The following OPHN1 variants were observed in gnomAD, a reference collection of about 807,000 sequenced individuals.
OPHN1 encodes the protein oligophrenin-1.
In OPHN1, 11 loss-of-function variants were observed where a neutral mutation model predicts 60.7. That is an observed-to-expected ratio of 0.18 (90% CI 0.11 to 0.30). The LOEUF (loss-of-function observed/expected upper bound fraction) is 0.30. OPHN1 is among the 10% of genes least tolerant of loss of function. The pLI is 1.00. For missense variants in OPHN1, 449 were observed against 611.0 expected (o/e 0.73, Z 2.80); for synonymous variants, 226 against 222.6 (o/e 1.02, Z -0.14).
chrX:68,433,458 A>C lies in OPHN1; in HGVS notation c.-295T>G. ...AGCTGGAGCTGGGAACAGCCTCTCT[A>C]CAGGCTCCTCGCTCCGGAGCGAGCG... On this transcript the variant is annotated 5_prime_UTR_variant, in exon 1 of 25. Coordinates refer to ENST00000355520, the MANE Select transcript of OPHN1 (RefSeq NM_002547.3). 3.8e-6 allele frequency: 1 copy of C among 261,941 alleles called. No individual in the cohort carries two copies. Among genetic ancestry groups the C allele is most frequent in the East Asian group, 5.7e-5 (1 of 17,407 alleles). The allele number at this position is 261,941 out of a possible 1,213,427, so 21.6% of individuals were successfully genotyped here.
intron 2 of OPHN1, among the ~76,000 whole-genome samples, chrX:68,333,966 C>T (rs1252691831): frequency 9.4e-6 from 1 of 106,318 alleles, no homozygotes; most frequent in Non-Finnish European, 1.9e-5. Flanking sequence ...TGCATCATCT[C>T]GGCTCACTGC....
At chrX:68,407,202 C>T (rs1255416580) in intron 2 of OPHN1, among the ~76,000 whole-genome samples, 1 of 112,014 alleles carries the variant, frequency 8.9e-6, no homozygotes, top group African/African-American at 3.2e-5. Context: ...AAAACTTCGT[C>T]TCAAAATAAA....
intron 2 of OPHN1, among the ~76,000 whole-genome samples, chrX:68,342,446 A>G (rs1322324229): frequency 4.5e-5 from 5 of 112,012 alleles, no homozygotes; most frequent in Non-Finnish European, 9.4e-5. Flanking sequence ...AAGTGGCCAT[A>G]AATTGATAAC....
At chrX:68,234,685 G>A in intron 5 of OPHN1, 97 bp from the exon 6 acceptor site, 5 of 678,405 alleles carry the variant, frequency 7.4e-6, no homozygotes, top group South Asian at 2.3e-5. Flanking sequence ...GGTTTCAGGT[G>A]GTCAATCCCT....
chrX:68,419,265 C>T (rs1472320389), intron 2 of OPHN1, among the ~76,000 whole-genome samples: 3 of 109,002 alleles, frequency 2.8e-5, no homozygotes, highest in South Asian at 4.0e-4. Context: ...CTGCCCGCCT[C>T]GGCCTCCCAA....
At chrX:68,333,688 G>GACAC (rs756801078) in intron 2 of OPHN1, among the ~76,000 whole-genome samples, 72 of 104,322 alleles carry the variant, frequency 6.9e-4, no homozygotes, top group Admixed American at 1.1e-3. Flanking sequence ...CACACACACA[G>GACAC]ACACACACAC....
intron 19 of OPHN1, among the ~76,000 whole-genome samples, chrX:68,076,441 C>T (rs1190867837): frequency 9.2e-6 from 1 of 109,008 alleles, no homozygotes; most frequent in Admixed American, 9.8e-5. Context: ...TCTGAATAGT[C>T]CTATAACCAT....
At chrX:68,211,312 G>C (rs939774616) in intron 8 of OPHN1, among the ~76,000 whole-genome samples, 5 of 112,164 alleles carry the variant, frequency 4.5e-5, no homozygotes, top group Non-Finnish European at 9.4e-5. Flanking sequence ...ACTCAGTAAT[G>C]CCTTCTCTGA....
chrX:68,307,793 T>C (rs1426159158), intron 2 of OPHN1, among the ~76,000 whole-genome samples: 2 of 111,326 alleles, frequency 1.8e-5, no homozygotes, highest in Non-Finnish European at 3.8e-5. Context: ...TTGCACCTAG[T>C]TTTTAACTGG....
chrX:68,408,018 T>C (rs187852353), intron 2 of OPHN1, among the ~76,000 whole-genome samples: 1 of 112,293 alleles, frequency 8.9e-6, no homozygotes, highest in Admixed American at 9.5e-5. Flanking sequence ...CTACCCAGGC[T>C]GGACTCGAAC....
At chrX:68,343,431 A>C (rs973764231) in intron 2 of OPHN1, among the ~76,000 whole-genome samples, 4 of 110,409 alleles carry the variant, frequency 3.6e-5, no homozygotes, top group Non-Finnish European at 5.7e-5. Flanking sequence ...AAAAATACAA[A>C]AATTAGCCAG....
rs191694474 is a variant in OPHN1 at position 68,314,340 on chromosome X, G to A, written c.155-15244C>T. ...AGTTCGAGACCAGCCTGACCAACAA[G>A]GTGAAACCCCATCTCTACTAAAAAT... On this transcript the variant is annotated intron_variant, in intron 2 of 24. Coordinates refer to ENST00000355520, the MANE Select transcript of OPHN1 (RefSeq NM_002547.3). Among the ~76,000 whole-genome samples the A allele has an allele frequency of 2.7e-3, 298 of 110,864 alleles. 1 individual carries two copies. Among genetic ancestry groups the A allele is most frequent in the Non-Finnish European group, 4.9e-3 (257 of 52,950 alleles).
intron 2 of OPHN1, among the ~76,000 whole-genome samples, chrX:68,358,395 G>T (rs766280740): frequency 9.0e-6 from 1 of 111,186 alleles, no homozygotes; most frequent in Non-Finnish European, 1.9e-5. Flanking sequence ...ATTGTACACA[G>T]GGACTGTCTA....
Position 68,185,658 on chromosome X carries a change from T to A in OPHN1, c.1276+7261A>T, listed in dbSNP as rs201332475. On this transcript the variant is annotated intron_variant, in intron 15 of 24. Coordinates refer to ENST00000355520, the MANE Select transcript of OPHN1 (RefSeq NM_002547.3). ...GTCAGAATAGGAGGCAAAGGAGATA[T>A]GTGAAGAATAAGAGAAAAAAAAAGA... Among the ~76,000 whole-genome samples the A allele has an allele frequency of 3.2e-4, 35 of 109,684 alleles. No homozygotes were observed. The East Asian group carries it at 8.4e-3, about 26-fold the overall frequency.
At chrX:68,302,315 C>T (rs1421104099) in intron 2 of OPHN1, among the ~76,000 whole-genome samples, 3 of 111,864 alleles carry the variant, frequency 2.7e-5, no homozygotes, top group East Asian at 2.8e-4. Flanking sequence ...AAGAGCCAGG[C>T]GCAGTAGCTC....
intron 6 of OPHN1, among the ~76,000 whole-genome samples, chrX:68,229,366 T>C (rs1164659117): frequency 2.5e-4 from 28 of 111,678 alleles, no homozygotes; most frequent in African/African-American, 6.2e-4. Flanking sequence ...CAATGCCATC[T>C]CCATCAAGCT....
chrX:68,299,249 T>C (rs995620801), intron 2 of OPHN1, among the ~76,000 whole-genome samples, 153 bp from the exon 3 acceptor site: 4 of 111,963 alleles, frequency 3.6e-5, no homozygotes, highest in African/African-American at 1.3e-4. Context: ...AGATTAGATA[T>C]GCAGTAGAAG....
At chrX:68,267,852 A>G (rs893262136) in intron 5 of OPHN1, among the ~76,000 whole-genome samples, 1 of 111,844 alleles carries the variant, frequency 8.9e-6, no homozygotes, top group Non-Finnish European at 1.9e-5. Context: ...TAAAGGGGAT[A>G]TCACCACCGA....
chrX:68,333,044 A>C (rs1391059291), intron 2 of OPHN1, among the ~76,000 whole-genome samples: 1 of 111,026 alleles, frequency 9.0e-6, no homozygotes, highest in East Asian at 2.8e-4. Context: ...CCGAAACACT[A>C]AAACTTCAAG....
Sources: allele counts gnomAD v4.1 joint callset (sites outside exome capture counted in the v4.1 genomes callset), GRCh38; gene constraint gnomAD v4.1.1; transcripts MANE v1.5; gene names NCBI Gene and HGNC (gene_info 2026-07-23, HGNC 2026-07-21).